Variants in NCKAP5 observed in about 807,000 individuals in gnomAD.
NCKAP5 encodes NCK associated protein 5.
NCKAP5 carries 92 observed loss-of-function variants against 167.0 expected under a neutral mutation model. The observed-to-expected ratio is 0.55, with a 90% CI of 0.47 to 0.66. The LOEUF (loss-of-function observed/expected upper bound fraction) is 0.66. NCKAP5 is among the 30% of genes least tolerant of loss of function. The pLI is 0.00. For synonymous variants in NCKAP5, 891 were observed against 877.4 expected, an observed-to-expected ratio of 1.02 and a Z score of -0.27; for missense variants, 2,378 against 2,315.0, an observed-to-expected ratio of 1.03 and a Z score of -0.56.
rs576243515 is a variant in NCKAP5 at position 133,229,864 on chromosome 2, T to G, written c.144-16085A>C. Among the ~76,000 whole-genome samples the G allele has an allele frequency of 5.6e-4, 86 of 152,270 alleles. 3 individuals are homozygous for G. The South Asian group carries it at 0.017, about 31-fold the overall frequency. ...TCTCAAAATCCATTTTAATTCATCATGGGAGTCAGACACTGTTCTGCTTGA... is the reference window on the plus strand; with the variant it reads ...TCTCAAAATCCATTTTAATTCATCAGGGGAGTCAGACACTGTTCTGCTTGA... On this transcript the variant is annotated intron_variant, in intron 4 of 19. Coordinates refer to ENST00000409261, the MANE Select transcript of NCKAP5 (RefSeq NM_207363.3).
intron 4 of NCKAP5, among the ~76,000 whole-genome samples, chr2:133,297,189 G>GTC (rs1680023089): frequency 1.3e-5 from 2 of 151,578 alleles, no homozygotes; most frequent in Non-Finnish European, 2.9e-5. Context: ...GTGTGTGTGT[G>GTC]TGTGTGTGTG....
At chr2:133,121,674 A>G (rs1341284361) in intron 6 of NCKAP5, among the ~76,000 whole-genome samples, 1 of 152,182 alleles carries the variant, frequency 6.6e-6, no homozygotes, top group East Asian at 1.9e-4. Context: ...AATTTGGAAA[A>G]CAGTTTGGCA....
chr2:133,213,875 T>C, intron 4 of NCKAP5, 96 bp from the exon 5 acceptor site: 1 of 1,216,920 alleles, frequency 8.2e-7, no homozygotes, highest in Admixed American at 1.9e-5. Flanking sequence ...TCTAGAGGAA[T>C]TCCTTCCTTG....
In NCKAP5 at chr2:133,526,165, G is replaced by GAGGAAGGAAGGAAGGA. The variant is rs1203618783; in HGVS notation, c.-61-8594_-61-8579dup. Among the ~76,000 whole-genome samples, 119 of 69,908 alleles carry GAGGAAGGAAGGAAGGA rather than the reference G, an allele frequency of 1.7e-3. 3 individuals carry two copies. Among genetic ancestry groups the GAGGAAGGAAGGAAGGA allele is most frequent in the East Asian group, 4.9e-3 (9 of 1,832 alleles). 45.9% of individuals were successfully genotyped at this position (69,908 alleles called of 152,430 possible). ...GAAGGGAGGAACAGAGAAAGGGAATGAGGAAGGAAGGAAGGAAGGAAGGAA... is the reference window on the plus strand; with the variant it reads ...GAAGGGAGGAACAGAGAAAGGGAATGAGGAAGGAAGGAAGGAAGGAAGGAAGGAAGGAAGGAAGGAA... On this transcript the variant is annotated intron_variant, in intron 2 of 19. Transcript: ENST00000409261.
At chr2:132,932,172 T>C (rs139450144) in intron 8 of NCKAP5, among the ~76,000 whole-genome samples, 4 of 152,358 alleles carry the variant, frequency 2.6e-5, no homozygotes, top group African/African-American at 7.2e-5. Context: ...CTGTTTTATA[T>C]GCCACAGCTT....
chr2:132,899,914 A>G (rs1693489054), intron 8 of NCKAP5, among the ~76,000 whole-genome samples: 1 of 152,104 alleles, frequency 6.6e-6, no homozygotes, highest in African/African-American at 2.4e-5. Flanking sequence ...CAATGAAAAA[A>G]AAATTAAGTG....
chr2:132,898,166 A>G (rs1312245878), intron 8 of NCKAP5, among the ~76,000 whole-genome samples: 1 of 152,224 alleles, frequency 6.6e-6, no homozygotes, highest in Non-Finnish European at 1.5e-5. Context: ...TCATTTCAAC[A>G]GTGTTCACAG....
At chr2:132,790,712 T>C (rs1321996420) in intron 12 of NCKAP5, among the ~76,000 whole-genome samples, 4 of 152,162 alleles carry the variant, frequency 2.6e-5, no homozygotes, top group Non-Finnish European at 5.9e-5. Flanking sequence ...CCTGTGTGGC[T>C]ATGGGGAAAC....
intron 5 of NCKAP5, among the ~76,000 whole-genome samples, chr2:133,197,222 C>A (rs111841479): frequency 1.3e-5 from 2 of 152,144 alleles, no homozygotes; most frequent in East Asian, 1.9e-4. Context: ...TGCCTCTGAG[C>A]TACACCTATG....
intron 8 of NCKAP5, among the ~76,000 whole-genome samples, chr2:132,908,867 T>TGG (rs1694209759): frequency 6.6e-6 from 1 of 152,196 alleles, no homozygotes; most frequent in South Asian, 2.1e-4. Context: ...TTCTGAAATA[T>TGG]CGTAGTCTTT....
In NCKAP5 at chr2:133,254,688, C is replaced by T. The variant is rs532688222; in HGVS notation, c.144-40909G>A. 1.8e-3 allele frequency among the ~76,000 whole-genome samples: 275 copies of T among 152,144 alleles called. 1 individual carries two copies. Among genetic ancestry groups the T allele is most frequent in the African/African-American group, 6.3e-3 (263 of 41,498 alleles). On this transcript the variant is annotated intron_variant, in intron 4 of 19. Coordinates refer to ENST00000409261, the MANE Select transcript of NCKAP5 (RefSeq NM_207363.3). ...ATAATTTGAGATAGGTATTAGGACA[C>T]CAATTTATAGGAGTTTGGGTGAAGT...
intron 3 of NCKAP5, among the ~76,000 whole-genome samples, chr2:133,485,712 T>A (rs1680848617): frequency 6.6e-6 from 1 of 152,132 alleles, no homozygotes; most frequent in Non-Finnish European, 1.5e-5. Flanking sequence ...ATTATATGGA[T>A]AACTCACTTA....
chr2:133,609,008 C>CA, the NCKAP5 span, among the ~76,000 whole-genome samples: 1 of 152,210 alleles, frequency 6.6e-6, no homozygotes, highest in Non-Finnish European at 1.5e-5. Context: ...CAGTTACTGA[C>CA]AAAATCCTGC....
chr2:132,748,846 T>G (rs111430339), intron 16 of NCKAP5, among the ~76,000 whole-genome samples: 2 of 151,736 alleles, frequency 1.3e-5, no homozygotes, highest in African/African-American at 4.8e-5. Context: ...TGCAATGGCG[T>G]GATCTTGGTT....
chr2:133,495,155 A>C (rs973300517), intron 3 of NCKAP5, among the ~76,000 whole-genome samples: 1 of 152,206 alleles, frequency 6.6e-6, no homozygotes, highest in Non-Finnish European at 1.5e-5. Flanking sequence ...TTCTGGACTG[A>C]ACCAACATAC....
At chr2:132,729,048 A>G in intron 17 of NCKAP5, 96 bp from the exon 18 acceptor site, 1 of 1,515,288 alleles carries the variant, frequency 6.6e-7, no homozygotes, top group Non-Finnish European at 9.0e-7. Flanking sequence ...GAAATAATAA[A>G]AAAGGTCCAA....
At chr2:133,373,313 C>T (rs1685926054) in intron 3 of NCKAP5, among the ~76,000 whole-genome samples, 1 of 152,124 alleles carries the variant, frequency 6.6e-6, no homozygotes, top group Non-Finnish European at 1.5e-5. Flanking sequence ...CCCACCTCGG[C>T]CTCCCAAAGT....
chr2:133,419,867 T>C (rs1689360334), intron 3 of NCKAP5, among the ~76,000 whole-genome samples: 1 of 152,234 alleles, frequency 6.6e-6, no homozygotes, highest in African/African-American at 2.4e-5. Flanking sequence ...GTAGTGATAA[T>C]GTGTATAGCC....
rs369130877 is a variant in NCKAP5, at chr2:133,474,154, A to ATC, written c.69+43303_69+43304insGA. On this transcript the variant is annotated intron_variant, in intron 3 of 19. Coordinates refer to ENST00000409261, the MANE Select transcript of NCKAP5 (RefSeq NM_207363.3). The stretch of plus-strand genomic sequence containing the variant: ...TATCTATCTATCTATCTATCTATCT[A>ATC]TACACACACACACACACACACACGT... Among the ~76,000 whole-genome samples, 744 of 135,326 alleles carry ATC rather than the reference A, an allele frequency of 5.5e-3. 3 individuals carry two copies. The highest frequency in any genetic ancestry group is 0.022 in the African/African-American group (595 of 26,746). 88.8% of individuals were successfully genotyped at this position (135,326 alleles called of 152,430 possible). A position where few individuals can be genotyped will look rare whatever the true frequency, so the allele number is the denominator to read the frequency against.
Sources: gnomAD v4.1 joint callset for allele counts (sites outside exome capture counted in the v4.1 genomes callset) on GRCh38, gnomAD v4.1.1 for gene constraint, MANE v1.5 for transcripts, NCBI Gene and HGNC (gene_info 2026-07-23, HGNC 2026-07-21) for gene names.